BBOX1: variants seen among roughly 807,000 people sequenced by gnomAD.
BBOX1 encodes gamma-butyrobetaine dioxygenase.
BBOX1 carries 35 observed loss-of-function variants against 41.6 expected under a neutral mutation model. The observed-to-expected ratio is 0.84, with a 90% CI of 0.64 to 1.11. The LOEUF (loss-of-function observed/expected upper bound fraction) is 1.11. BBOX1 is among the 50% of genes most tolerant of loss of function. The pLI, the probability that BBOX1 is intolerant of heterozygous loss-of-function variation, is 0.00. For missense variants in BBOX1, 458 were observed against 460.6 expected (o/e 0.99, Z 0.05); for synonymous variants, 163 against 154.7 (o/e 1.05, Z -0.40).
intron 4 of BBOX1, among the ~76,000 whole-genome samples, chr11:27,085,813 G>C (rs185054888): frequency 6.6e-6 from 1 of 152,192 alleles, no homozygotes; most frequent in African/African-American, 2.4e-5. Context: ...TGTGAAGAAT[G>C]CAAAGGAAAA....
At chr11:27,125,875 A>T (rs769553710) in intron 8 of BBOX1, 55 bp downstream of exon 8, 83 of 1,556,910 alleles carry the variant, frequency 5.3e-5, no homozygotes, top group Non-Finnish European at 7.1e-5. Context: ...TTCAACCTTA[A>T]CCACCTAGAA....
chr11:27,113,305 T>C (rs1456873425), intron 5 of BBOX1, among the ~76,000 whole-genome samples: 1 of 151,968 alleles, frequency 6.6e-6, no homozygotes, highest in East Asian at 1.9e-4. Flanking sequence ...ATTGAGTGTA[T>C]ACCCAAAGGA....
intron 4 of BBOX1, among the ~76,000 whole-genome samples, chr11:27,087,821 G>C (rs895545661): frequency 1.3e-5 from 2 of 151,956 alleles, no homozygotes; most frequent in Non-Finnish European, 2.9e-5. Flanking sequence ...CTCCTAACTA[G>C]AGCACTCCAA....
intron 4 of BBOX1, among the ~76,000 whole-genome samples, chr11:27,082,938 C>A (rs374348947): frequency 3.9e-5 from 6 of 152,078 alleles, no homozygotes; most frequent in East Asian, 3.9e-4. Context: ...TTTTCTCCAG[C>A]TAGATGGTCA....
intron 4 of BBOX1, among the ~76,000 whole-genome samples, chr11:27,087,360 T>C (rs1858081926): frequency 6.6e-6 from 1 of 152,036 alleles, no homozygotes; most frequent in African/African-American, 2.4e-5. Context: ...TCAGCAACCA[T>C]CAACTTTGAG....
At chr11:27,102,763 A>ATTCT (rs1424995862) in intron 5 of BBOX1, among the ~76,000 whole-genome samples, 2 of 151,528 alleles carry the variant, frequency 1.3e-5, no homozygotes, top group Admixed American at 6.5e-5. Flanking sequence ...TATTCTCTGA[A>ATTCT]TTCTTGCATG....
At position 27,115,495 on chromosome 11, in the gene BBOX1, G is replaced by C. The variant is rs773098215; in HGVS notation, c.577G>C (p.Ala193Pro). Reference protein sequence around the residue: ...VQDKIDANNVAYTTGKLSFHT... With the variant: ...VQDKIDANNVPYTTGKLSFHT... Reference sequence around the variant, plus strand: ...AGACAAAATCGATGCAAACAATGTGGCTTACACAACTGGGAAGCTAAGCTT... The same window carrying C: ...AGACAAAATCGATGCAAACAATGTGCCTTACACAACTGGGAAGCTAAGCTT... The change falls in exon 6 of 9, where the codon GCT becomes CCT. Residue 193 changes from alanine (A) to proline (P), a missense_variant. By Grantham distance (27) the Ala-to-Pro change is conservative. Transcript: ENST00000263182. The C allele has an allele frequency of 1.9e-6, 3 of 1,611,236 alleles. No individual in the cohort carries two copies. The highest frequency in any genetic ancestry group is 2.5e-6 in the Non-Finnish European group (3 of 1,178,186).
At chr11:27,081,130 C>T (rs1857820430) in intron 4 of BBOX1, among the ~76,000 whole-genome samples, 1 of 152,122 alleles carries the variant, frequency 6.6e-6, no homozygotes, top group African/African-American at 2.4e-5. Context: ...AGGATCATAT[C>T]AGATGTAGCC....
intron 7 of BBOX1, among the ~76,000 whole-genome samples, chr11:27,123,373 T>C (rs554639743): frequency 6.6e-6 from 1 of 152,224 alleles, no homozygotes; most frequent in African/African-American, 2.4e-5. Context: ...CCAAGGACTC[T>C]AGAATAGTTA....
In BBOX1 at chr11:27,123,232, T is replaced by C. The variant is rs367880149; in HGVS notation, c.837-2422T>C. Reference sequence around the variant, plus strand: ...GTTACACTATAACACACACAAAAAGTTGATTACTTTTCTATATAGGTGAAC... The same window carrying C: ...GTTACACTATAACACACACAAAAAGCTGATTACTTTTCTATATAGGTGAAC... On this transcript the variant is annotated intron_variant, in intron 7 of 8. Transcript: ENST00000263182. Among the ~76,000 whole-genome samples the C allele has an allele frequency of 3.1e-3, 478 of 152,190 alleles. 2 individuals carry two copies. The highest frequency in any genetic ancestry group is 0.011 in the African/African-American group (461 of 41,542).
chr11:27,055,169 G>A (rs775836768), intron 2 of BBOX1: 1 of 353,272 alleles, frequency 2.8e-6, no homozygotes, highest in Non-Finnish European at 5.1e-6. Flanking sequence ...TTTGGATCCT[G>A]ACTCAGCACT....
At chr11:27,089,687 A>G (rs1181450572) in intron 4 of BBOX1, among the ~76,000 whole-genome samples, 1 of 152,014 alleles carries the variant, frequency 6.6e-6, no homozygotes, top group African/African-American at 2.4e-5. Context: ...TCCACTTCTA[A>G]TACTCCATGA....
chr11:27,043,684 A>G (rs1344982634), intron 2 of BBOX1, among the ~76,000 whole-genome samples: 1 of 152,116 alleles, frequency 6.6e-6, no homozygotes, highest in African/African-American at 2.4e-5. Flanking sequence ...ATGAGTGAGA[A>G]CATGCAGTAT....
At chr11:27,085,348 T>A (rs1052372692) in intron 4 of BBOX1, among the ~76,000 whole-genome samples, 34 of 152,306 alleles carry the variant, frequency 2.2e-4, no homozygotes, top group Non-Finnish European at 4.3e-4. Flanking sequence ...ATGTACTCAC[T>A]TTTTGCCTCT....
At chr11:27,056,121 G>A (rs149070052) in intron 3 of BBOX1, among the ~76,000 whole-genome samples, 17 of 152,118 alleles carry the variant, frequency 1.1e-4, no homozygotes, top group African/African-American at 4.1e-4. Context: ...TGAAAAAAAT[G>A]AGAATAATAG....
At chr11:27,048,338 A>G (rs1851556157) in intron 2 of BBOX1, among the ~76,000 whole-genome samples, 1 of 152,070 alleles carries the variant, frequency 6.6e-6, no homozygotes. Context: ...TTCCATGTAT[A>G]AGTGATATCA....
intron 4 of BBOX1, among the ~76,000 whole-genome samples, chr11:27,071,671 A>G (rs979326106): frequency 2.6e-5 from 4 of 152,134 alleles, no homozygotes; most frequent in East Asian, 1.9e-4. Context: ...AAAATCCTCA[A>G]TAAAATACTG....
At chr11:27,116,708 T>C (rs566110966) in intron 6 of BBOX1, among the ~76,000 whole-genome samples, 1 of 151,998 alleles carries the variant, frequency 6.6e-6, no homozygotes, top group East Asian at 1.9e-4. Context: ...TTAATGCATA[T>C]GGCAACTAGA....
chr11:27,050,177 T>C (rs185278781), intron 2 of BBOX1, among the ~76,000 whole-genome samples: 2 of 152,310 alleles, frequency 1.3e-5, no homozygotes, highest in East Asian at 3.9e-4. Context: ...TGCACACATT[T>C]ATTTGTAGGC....
Sources: allele counts gnomAD v4.1 joint callset (sites outside exome capture counted in the v4.1 genomes callset), GRCh38; gene constraint gnomAD v4.1.1; transcripts MANE v1.5; gene names NCBI Gene and HGNC (gene_info 2026-07-23, HGNC 2026-07-21).